Variants in TBC1D13 observed in about 807,000 individuals in gnomAD.
TBC1D13 encodes epididymis secretory sperm binding protein.
Under a neutral mutation model 53.6 loss-of-function variants are expected in TBC1D13, and 40 were observed. The observed-to-expected ratio is 0.75, with a 90% CI of 0.58 to 0.97. The LOEUF is 0.97. Ranked by LOEUF, TBC1D13 falls within the 50% of genes least tolerant of loss-of-function variation. The pLI is 0.00. For synonymous variants in TBC1D13, 182 were observed against 197.7 expected (o/e 0.92, Z 0.67); for missense variants, 377 against 499.4 (o/e 0.75, Z 2.34).
chr9:128,791,493 C>A, intron 4 of TBC1D13, 52 bp downstream of exon 4: 2 of 1,608,382 alleles, frequency 1.2e-6, no homozygotes, highest in African/African-American at 1.3e-5. Context: ...TGTGACAGAG[C>A]CAGTACCGCT....
intron 5 of TBC1D13, 86 bp downstream of exon 5, chr9:128,791,779 G>T: frequency 1.7e-6 from 2 of 1,161,698 alleles, no homozygotes; most frequent in South Asian, 1.3e-5. Context: ...CTGCATGCCA[G>T]GGGGTAGGTG....
At chr9:128,798,288 G>C (rs1449828559) in intron 7 of TBC1D13, among the ~76,000 whole-genome samples, 1 of 152,110 alleles carries the variant, frequency 6.6e-6, no homozygotes, top group African/African-American at 2.4e-5. Flanking sequence ...TCCAGGTGGA[G>C]AGGAGGGCAT....
At chr9:128,800,178 C>T (rs2417126) in intron 7 of TBC1D13, among the ~76,000 whole-genome samples, 56,526 of 151,914 alleles carry the variant, frequency 0.37, 13,937 homozygotes, top group African/African-American at 0.71. Flanking sequence ...GCTTCATCCA[C>T]TGTCACTGCC....
At chr9:128,791,907 AG>A (rs1228517108) in intron 5 of TBC1D13, among the ~76,000 whole-genome samples, 1 of 152,136 alleles carries the variant, frequency 6.6e-6, no homozygotes, top group Admixed American at 6.5e-5. Context: ...GGAGCATTGC[AG>A]GGGCAGCCCT....
chr9:128,790,766 C>T lies in TBC1D13; in HGVS notation c.129C>T (p.Leu43=), dbSNP rs141098845. The change falls in exon 3 of 12, where the codon CTC becomes CTT. Residue 43 remains leucine, a synonymous_variant. Transcript: ENST00000372648. ...GIPCEGGLRC[L]CWKILLNYLP... ...CCTGTGAGGGCGGACTGCGGTGCCT[C>T]TGCTGGAAGGTGGGTGTGCCTGGGG... The T allele has an allele frequency of 1.3e-6, 2 of 1,555,658 alleles. No homozygotes were observed. Among genetic ancestry groups the T allele is most frequent in the African/African-American group, 1.4e-5 (1 of 70,304 alleles).
chr9:128,798,109 T>C (rs564534066), intron 7 of TBC1D13, among the ~76,000 whole-genome samples: 32 of 152,130 alleles, frequency 2.1e-4, no homozygotes, highest in African/African-American at 7.5e-4. Context: ...AAAAATTAGC[T>C]GGGCATGGTG....
chr9:128,788,225 G>A, intron 1 of TBC1D13, 109 bp from the exon 2 acceptor site: 1 of 911,492 alleles, frequency 1.1e-6, no homozygotes, highest in Non-Finnish European at 1.8e-6. Context: ...ATGTCCTAAA[G>A]GGGAGAGAGG....
At chr9:128,795,166 C>G (rs1829604860) in intron 6 of TBC1D13, among the ~76,000 whole-genome samples, 2 of 151,118 alleles carry the variant, frequency 1.3e-5, no homozygotes, top group Non-Finnish European at 3.0e-5. Context: ...AGTGATCCTC[C>G]TGCCCCACCT....
chr9:128,805,476 T>C (rs544806238), intron 9 of TBC1D13, among the ~76,000 whole-genome samples: 32 of 152,234 alleles, frequency 2.1e-4, no homozygotes, highest in Non-Finnish European at 4.1e-4. Context: ...AGGACATATT[T>C]AATATTCTAA....
intron 6 of TBC1D13, among the ~76,000 whole-genome samples, chr9:128,793,016 G>A (rs1829563404): frequency 6.6e-6 from 1 of 152,226 alleles, no homozygotes; most frequent in Non-Finnish European, 1.5e-5. Flanking sequence ...GCTCCTGAAG[G>A]AAAATTTGAG....
intron 2 of TBC1D13, among the ~76,000 whole-genome samples, chr9:128,789,648 G>A (rs1829492914): frequency 6.6e-6 from 1 of 151,938 alleles, no homozygotes; most frequent in Non-Finnish European, 1.5e-5. Flanking sequence ...CTTAGCATTC[G>A]TAGCTTAGTT....
chr9:128,800,046 G>A (rs971532808), intron 7 of TBC1D13, among the ~76,000 whole-genome samples: 5 of 152,132 alleles, frequency 3.3e-5, no homozygotes, highest in Admixed American at 1.3e-4. Context: ...AAAAGCTCTT[G>A]GTAAATGTGG....
chr9:128,791,151 CTG>C (rs751766035), intron 3 of TBC1D13, among the ~76,000 whole-genome samples: 10 of 152,040 alleles, frequency 6.6e-5, no homozygotes, highest in Non-Finnish European at 1.5e-4. Flanking sequence ...GTGGAAGAGT[CTG>C]TGTGAGGAAA....
chr9:128,787,399 C>G, intron 1 of TBC1D13, 23 bp downstream of exon 1: 1 of 1,256,012 alleles, frequency 8.0e-7, no homozygotes, highest in Non-Finnish European at 1.0e-6. Context: ...GGGGCCTGAC[C>G]CGGCTGGGCC....
rs577838447 is a variant in TBC1D13, at chr9:128,810,231, G to C, written c.*2352G>C. Reference sequence around the variant, plus strand: ...CAGATGCCCAAGGGAGGTCCCCACAGAGCCAGAGTGCCTGAGGCTTCCTGC... The same window carrying C: ...CAGATGCCCAAGGGAGGTCCCCACACAGCCAGAGTGCCTGAGGCTTCCTGC... On this transcript the variant is annotated 3_prime_UTR_variant, in exon 12 of 12. Transcript: ENST00000372648. The C allele has an allele frequency of 6.6e-6, 1 of 152,302 alleles. No individual in the cohort carries two copies. The highest frequency in any genetic ancestry group is 2.1e-4 in the South Asian group (1 of 4,828). The allele number at this position is 152,302 out of a possible 1,614,324, so 9.4% of individuals were successfully genotyped here. A position where few individuals can be genotyped will look rare whatever the true frequency, so the allele number is the denominator to read the frequency against.
At position 128,796,633 on chromosome 9, in the gene TBC1D13, G is replaced by A. The variant is rs114058904; in HGVS notation, c.384-422G>A. ...CTCTTGACCTCTAGTGATTCAAAAC[G>A]TTGTAATTAAAAACAAACAATGCTG... On this transcript the variant is annotated intron_variant, in intron 6 of 11. Coordinates refer to ENST00000372648, the MANE Select transcript of TBC1D13 (RefSeq NM_018201.5). Among the ~76,000 whole-genome samples the A allele has an allele frequency of 3.7e-3, 559 of 151,664 alleles. 5 individuals carry two copies. The highest frequency in any genetic ancestry group is 0.013 in the African/African-American group (538 of 41,430).
chr9:128,792,115 G>A (rs1354177893), intron 5 of TBC1D13, among the ~76,000 whole-genome samples: 2 of 152,222 alleles, frequency 1.3e-5, no homozygotes, highest in Admixed American at 6.5e-5. Flanking sequence ...AGGAATTGAC[G>A]ACTCAGAGCA....
At chr9:128,804,817 C>A (rs1829802821) in intron 9 of TBC1D13, among the ~76,000 whole-genome samples, 1 of 149,538 alleles carries the variant, frequency 6.7e-6, no homozygotes, top group Non-Finnish European at 1.5e-5. Context: ...CAACCTCCGC[C>A]TCCCAGGTTC....
intron 4 of TBC1D13, 24 bp downstream of exon 4, chr9:128,791,465 G>A: frequency 1.2e-6 from 2 of 1,613,484 alleles, no homozygotes; most frequent in Non-Finnish European, 1.7e-6. Flanking sequence ...TAAGGGCAGT[G>A]ACAGGAGGGC....
Sources: allele counts gnomAD v4.1 joint callset (sites outside exome capture counted in the v4.1 genomes callset), GRCh38; gene constraint gnomAD v4.1.1; transcripts MANE v1.5; gene names NCBI Gene and HGNC (gene_info 2026-07-23, HGNC 2026-07-21).